SEC14L1: variants seen among roughly 807,000 people sequenced by gnomAD.
The protein encoded by SEC14L1 is SEC14-like protein 1.
Under a neutral mutation model 85.3 loss-of-function variants are expected in SEC14L1, and 48 were observed. The ratio of observed to expected loss-of-function variants is 0.56; its 90% CI spans 0.45 to 0.72. The LOEUF is 0.72. Among genes scored for constraint, SEC14L1 ranks in the 30% least tolerant of loss-of-function variants. SEC14L1 has a pLI of 0.00. For missense variants in SEC14L1, 682 were observed against 921.4 expected (o/e 0.74, Z 3.36); for synonymous variants, 391 against 355.5 (o/e 1.10, Z -1.12).
intron 3 of SEC14L1, among the ~76,000 whole-genome samples, chr17:77,097,813 A>G (rs1309723069): frequency 6.6e-6 from 1 of 152,180 alleles, no homozygotes; most frequent in Non-Finnish European, 1.5e-5. Context: ...CTTATATCCC[A>G]GGATAGGGGA....
At chr17:77,183,259 A>G (rs1975118967) in intron 3 of SEC14L1, among the ~76,000 whole-genome samples, 1 of 152,234 alleles carries the variant, frequency 6.6e-6, no homozygotes, top group South Asian at 2.1e-4. Context: ...AGTAATGCTC[A>G]TTTTTTAAAA....
At chr17:77,168,623 G>A (rs1384950811) in intron 3 of SEC14L1, among the ~76,000 whole-genome samples, 2 of 152,168 alleles carry the variant, frequency 1.3e-5, no homozygotes, top group Non-Finnish European at 2.9e-5. Context: ...GCCTTGTAAA[G>A]CCTTCATAAT....
intron 3 of SEC14L1, among the ~76,000 whole-genome samples, chr17:77,148,069 T>A (rs558433301): frequency 3.3e-5 from 5 of 152,332 alleles, no homozygotes; most frequent in Admixed American, 6.5e-5. Context: ...GTGTTTCTTT[T>A]TGAAATTTCT....
intron 3 of SEC14L1, among the ~76,000 whole-genome samples, chr17:77,119,235 G>C (rs979404808): frequency 3.3e-5 from 5 of 151,724 alleles, no homozygotes; most frequent in African/African-American, 7.3e-5. Flanking sequence ...TTGAATCTGG[G>C]GGGCAGAGGT....
Position 77,214,188 on chromosome 17 carries a change from G to A in SEC14L1, c.*165G>A. 7.1e-7 allele frequency: 1 copy of A among 1,413,480 alleles called. No homozygotes were observed. Among genetic ancestry groups the A allele is most frequent in the Non-Finnish European group, 9.2e-7 (1 of 1,087,348 alleles). 87.6% of individuals were successfully genotyped at this position (1,413,480 alleles called of 1,614,324 possible). ...AGTCGTTTGATCCCAAAACTACCTTGGCAGGTAGTTTTAACTCTGATCCTA... is the reference window on the plus strand; with the variant it reads ...AGTCGTTTGATCCCAAAACTACCTTAGCAGGTAGTTTTAACTCTGATCCTA... On this transcript the variant is annotated 3_prime_UTR_variant, in exon 17 of 17. Coordinates refer to ENST00000436233, the MANE Select transcript of SEC14L1 (RefSeq NM_001143998.2).
intron 3 of SEC14L1, among the ~76,000 whole-genome samples, chr17:77,114,559 G>A (rs191059883): frequency 1.5e-3 from 231 of 150,780 alleles, no homozygotes; most frequent in Non-Finnish European, 2.5e-3. Context: ...CACTGGCCAG[G>A]CACAGTAGCT....
At chr17:77,208,124 G>T (rs1201022962) in intron 13 of SEC14L1, among the ~76,000 whole-genome samples, 1 of 152,178 alleles carries the variant, frequency 6.6e-6, no homozygotes, top group African/African-American at 2.4e-5. Flanking sequence ...TAATGAATTG[G>T]ACATTCAGGG....
intron 3 of SEC14L1, among the ~76,000 whole-genome samples, chr17:77,170,524 C>A (rs1258916467): frequency 6.6e-6 from 1 of 152,138 alleles, no homozygotes; most frequent in Non-Finnish European, 1.5e-5. Context: ...GGGTGGAAGA[C>A]AGACCTGATA....
chr17:77,154,289 A>G (rs962720854), intron 3 of SEC14L1, among the ~76,000 whole-genome samples: 5 of 152,040 alleles, frequency 3.3e-5, no homozygotes, highest in Admixed American at 6.6e-5. Flanking sequence ...TGGGCAACTT[A>G]GCGAGACTCT....
chr17:77,180,621 C>T (rs548641488), intron 3 of SEC14L1, among the ~76,000 whole-genome samples: 6 of 152,204 alleles, frequency 3.9e-5, no homozygotes, highest in Middle Eastern at 3.4e-3. Flanking sequence ...GACTGGTACC[C>T]GAGGCAGCTG....
chr17:77,110,896 A>AG (rs1567873083), intron 3 of SEC14L1, among the ~76,000 whole-genome samples: 4 of 146,928 alleles, frequency 2.7e-5, no homozygotes, highest in African/African-American at 2.5e-5. Context: ...AAAAAAAAAA[A>AG]AAAGAAATAC....
At chr17:77,098,397 G>A (rs189093043) in intron 3 of SEC14L1, among the ~76,000 whole-genome samples, 32 of 152,050 alleles carry the variant, frequency 2.1e-4, no homozygotes, top group African/African-American at 7.5e-4. Context: ...TACTCGGGAG[G>A]CTGAGGTACG....
intron 3 of SEC14L1, among the ~76,000 whole-genome samples, chr17:77,181,508 A>T (rs1466494132): frequency 6.6e-6 from 1 of 152,164 alleles, no homozygotes; most frequent in Non-Finnish European, 1.5e-5. Flanking sequence ...CGCCTCCCGG[A>T]TTCAAGTGAT....
At chr17:77,114,410 G>T (rs1972121641) in intron 3 of SEC14L1, among the ~76,000 whole-genome samples, 1 of 151,962 alleles carries the variant, frequency 6.6e-6, no homozygotes, top group African/African-American at 2.4e-5. Context: ...TGAAATCCCA[G>T]CCACTCAGGA....
chr17:77,150,650 C>T (rs553371143), intron 3 of SEC14L1, among the ~76,000 whole-genome samples: 4 of 152,168 alleles, frequency 2.6e-5, no homozygotes, highest in East Asian at 1.9e-4. Context: ...GCGAAATGCC[C>T]GAGGGAGAAC....
intron 3 of SEC14L1, 185 bp downstream of exon 3, chr17:77,143,844 A>G: frequency 2.2e-6 from 1 of 449,898 alleles, no homozygotes. Context: ...CTGAAAATAA[A>G]AATCTGCTTA....
Position 77,106,181 on chromosome 17 carries a change from C to T in SEC14L1, c.-136+12834C>T, listed in dbSNP as rs1277982020. Among the ~76,000 whole-genome samples, 5 of 152,072 alleles carry T rather than the reference C, an allele frequency of 3.3e-5. No homozygotes were observed. In the East Asian group the frequency reaches 5.8e-4, roughly 18 times the overall value. On this transcript the variant is annotated intron_variant, in intron 3 of 19. Coordinates refer to the SEC14L1 transcript ENST00000392476. ...AGCCGAGGTTGGCGGATGGCTTGAG[C>T]CCAGGAGTTGGAGACCAGCCTGAGC...
At chr17:77,125,900 C>T (rs1245714593) in intron 3 of SEC14L1, among the ~76,000 whole-genome samples, 1 of 152,146 alleles carries the variant, frequency 6.6e-6, no homozygotes, top group Non-Finnish European at 1.5e-5. Flanking sequence ...ACCTGTAATC[C>T]CAACACTTTG....
upstream of SEC14L1, among the ~76,000 whole-genome samples, chr17:77,139,371 C>T (rs919878883): frequency 4.6e-5 from 7 of 151,948 alleles, no homozygotes; most frequent in African/African-American, 7.3e-5. Flanking sequence ...GAGGTCTCAC[C>T]GTGTTGACCA....
Sources: allele counts gnomAD v4.1 joint callset (sites outside exome capture counted in the v4.1 genomes callset), GRCh38; gene constraint gnomAD v4.1.1; transcripts MANE v1.5; gene names NCBI Gene and HGNC (gene_info 2026-07-23, HGNC 2026-07-21).